Variants in LRP5 observed in about 807,000 individuals in gnomAD.
LRP5 encodes the protein LDL receptor related protein 5.
In LRP5, 62 loss-of-function variants were observed where a neutral mutation model predicts 154.1. The observed-to-expected ratio is 0.40, with a 90% CI of 0.33 to 0.50. LRP5 has a LOEUF of 0.50. LRP5 is among the 20% of genes least tolerant of loss of function. The pLI, the probability that LRP5 is intolerant of heterozygous loss-of-function variation, is 0.55. For synonymous variants in LRP5, 966 were observed against 1,011.5 expected, an observed-to-expected ratio of 0.96 and a Z score of 0.85; for missense variants, 1,915 against 2,336.7, an observed-to-expected ratio of 0.82 and a Z score of 3.72.
At chr11:68,388,290 G>A (rs1478809233) in intron 6 of LRP5, among the ~76,000 whole-genome samples, 2 of 152,060 alleles carry the variant, frequency 1.3e-5, no homozygotes, top group African/African-American at 4.8e-5. Context: ...TCAGGAGCTT[G>A]GTCAAGTCAC....
At chr11:68,396,788 C>T (rs970721920) in intron 7 of LRP5, among the ~76,000 whole-genome samples, 1 of 152,076 alleles carries the variant, frequency 6.6e-6, no homozygotes, top group Admixed American at 6.5e-5. Flanking sequence ...CTGGGAGTGG[C>T]GGTGGTTCCA....
Position 68,413,715 on chromosome 11 carries a change from G to A in LRP5, c.2530G>A (p.Asp844Asn), listed in dbSNP as rs1452501185. The change falls in exon 12 of 23, where the codon GAT (aspartate) becomes AAT (asparagine). Residue 844 changes from aspartate to asparagine, a missense_variant. Transcript: ENST00000294304. This position sits in a 1 kb window ranked among gnomAD's most constrained non-coding sequence, Gnocchi z 5.1. Reference protein sequence around the residue: ...LGQERVVIADDLPHPFGLTQY... With the variant: ...LGQERVVIADNLPHPFGLTQY... ...TCAGGAGCGGGTCGTGATTGCCGACGATCTCCCGCACCCGTTCGGTCTGAC... is the reference window on the plus strand; with the variant it reads ...TCAGGAGCGGGTCGTGATTGCCGACAATCTCCCGCACCCGTTCGGTCTGAC... 3 of 1,613,680 alleles carry A rather than the reference G, an allele frequency of 1.9e-6. No homozygotes were observed. Among genetic ancestry groups the A allele is most frequent in the Admixed American group, 3.3e-5 (2 of 60,002 alleles).
the LRP5 span, among the ~76,000 whole-genome samples, chr11:68,299,960 C>T: frequency 4.0e-5 from 6 of 148,674 alleles, 1 homozygote; most frequent in Admixed American, 6.7e-5. Context: ...TGGAGTGGCG[C>T]GATCTTGGCT....
Position 68,350,942 on chromosome 11 carries a change from CTG to C in LRP5, c.488+2707_488+2708del, listed in dbSNP as rs545722451. Among the ~76,000 whole-genome samples the C allele has an allele frequency of 1.2e-4, 18 of 151,948 alleles. No individual in the cohort carries two copies. The East Asian group carries it at 1.7e-3, about 15-fold the overall frequency. On this transcript the variant is annotated intron_variant, in intron 2 of 22. Transcript: ENST00000294304. ...CGCATATGCGTGCATACGTGTGAGC[CTG>C]TGTGTGTCCGTGTGTGTGCATGCAT...
intron 5 of LRP5, among the ~76,000 whole-genome samples, chr11:68,373,845 G>A (rs757186824): frequency 4.6e-5 from 7 of 152,224 alleles, no homozygotes; most frequent in African/African-American, 1.2e-4. Context: ...TCTGTGGAAC[G>A]TGCCCCTGTT....
intron 7 of LRP5, among the ~76,000 whole-genome samples, chr11:68,398,007 T>C (rs1314050700): frequency 6.6e-6 from 1 of 151,854 alleles, no homozygotes; most frequent in Admixed American, 6.6e-5. Context: ...TGTGTGTGTG[T>C]GTTTGCGTGC....
chr11:68,405,966 C>A (rs77674647), intron 8 of LRP5, among the ~76,000 whole-genome samples: 4 of 152,230 alleles, frequency 2.6e-5, no homozygotes, highest in Non-Finnish European at 4.4e-5. Flanking sequence ...ATCGCAGGCC[C>A]GGAGGCTGGA....
chr11:68,390,533 A>G (rs1034456497), intron 7 of LRP5, among the ~76,000 whole-genome samples: 6 of 152,400 alleles, frequency 3.9e-5, no homozygotes, highest in African/African-American at 1.4e-4. Flanking sequence ...GTTCCTAAGC[A>G]GTTGAAGGCA....
chr11:68,367,019 G>A (rs2098631492), intron 5 of LRP5, among the ~76,000 whole-genome samples: 2 of 152,240 alleles, frequency 1.3e-5, no homozygotes, highest in South Asian at 2.1e-4. Context: ...TGGGGGAGAC[G>A]GCACAAGTGA....
At chr11:68,377,664 C>A (rs1425061492) in intron 5 of LRP5, among the ~76,000 whole-genome samples, 3 of 152,238 alleles carry the variant, frequency 2.0e-5, no homozygotes, top group African/African-American at 7.2e-5. Flanking sequence ...TGTTTATGGC[C>A]TTGGGATCTG....
At chr11:68,387,054 A>G (rs150843691) in intron 6 of LRP5, among the ~76,000 whole-genome samples, 1,844 of 152,030 alleles carry the variant, frequency 0.012, 34 homozygotes, top group African/African-American at 0.042. Flanking sequence ...TTCCAGGATG[A>G]CAGTAGTGAC....
intron 16 of LRP5, among the ~76,000 whole-genome samples, chr11:68,427,310 A>C (rs1158586442): frequency 6.6e-6 from 1 of 152,114 alleles, no homozygotes; most frequent in Admixed American, 6.5e-5. Flanking sequence ...CCTCCCCTCC[A>C]TGGTAACCAT....
At chr11:68,311,925 GGGTTCAGT>G (rs1046919987), upstream of LRP5, among the ~76,000 whole-genome samples, 15 of 152,234 alleles carry the variant, frequency 9.9e-5, no homozygotes, top group Admixed American at 7.2e-4. Flanking sequence ...TCTTCCTGGA[GGGTTCAGT>G]GGCTGAGCTG....
At chr11:68,411,361 G>C (rs1000473643) in intron 10 of LRP5, 75 bp from the exon 11 acceptor site, 1 of 1,505,574 alleles carries the variant, frequency 6.6e-7, no homozygotes, top group Admixed American at 1.7e-5. Flanking sequence ...GGGGACAGTT[G>C]CGTCCCCCCG....
intron 5 of LRP5, among the ~76,000 whole-genome samples, chr11:68,384,883 C>T (rs1389530450): frequency 6.6e-6 from 1 of 152,214 alleles, no homozygotes; most frequent in Non-Finnish European, 1.5e-5. Flanking sequence ...GGTTTGCACG[C>T]CTCTGGGCCT....
At position 68,410,138 on chromosome 11, in the gene LRP5, G is replaced by C. The variant is rs769649663; in HGVS notation, c.2316G>C (p.Lys772Asn). The C allele has an allele frequency of 6.2e-7, 1 of 1,613,422 alleles. No homozygotes were observed. The highest frequency in any genetic ancestry group is 8.5e-7 in the Non-Finnish European group (1 of 1,179,786). The change falls in exon 10 of 23, where the codon AAG becomes AAC. Residue 772 changes from lysine to asparagine, a missense_variant and splice_region_variant. Lys to Asn is a moderately conservative substitution (Grantham distance 94, BLOSUM62 0). Transcript: ENST00000294304. Reference protein sequence around the residue: ...NPRSLALDPTKGYIYWTEWGG... With the variant: ...NPRSLALDPTNGYIYWTEWGG... The stretch of plus-strand genomic sequence containing the variant: ...GGTCGCTGGCCCTGGATCCCACCAA[G>C]GGGTAAGTGTTTGCCTGTCCCGTGC...
At chr11:68,429,261 T>G (rs1341672125) in intron 16 of LRP5, among the ~76,000 whole-genome samples, 1 of 151,712 alleles carries the variant, frequency 6.6e-6, no homozygotes, top group Non-Finnish European at 1.5e-5. Flanking sequence ...TCAAAGTAAG[T>G]AAATAGGAGG....
rs2098589073 is a variant in LRP5, at chr11:68,312,660, C to T, written c.-55C>T. 1 of 843,088 alleles carries T rather than the reference C, an allele frequency of 1.2e-6. No homozygotes were observed. The highest frequency in any genetic ancestry group is 1.4e-6 in the Non-Finnish European group (1 of 699,120). The allele number at this position is 843,088 out of a possible 1,614,324, so 52.2% of individuals were successfully genotyped here. On this transcript the variant is annotated 5_prime_UTR_variant, in exon 1 of 23. Transcript: ENST00000294304. ...GGAGCCGCGCGAGGAGCCGCCGCCG[C>T]CGCGCCATGGAGCCCGAGTGAGCGC... is the stretch of plus-strand genomic sequence containing the variant.
At chr11:68,318,631 G>A (rs556706620) in intron 1 of LRP5, among the ~76,000 whole-genome samples, 1 of 152,308 alleles carries the variant, frequency 6.6e-6, no homozygotes, top group South Asian at 2.1e-4. Flanking sequence ...GAGCCACTGC[G>A]CTGGGCCTTA....
Sources: gnomAD v4.1 joint callset for allele counts (sites outside exome capture counted in the v4.1 genomes callset) on GRCh38, gnomAD v4.1.1 for gene constraint, Gnocchi (gnomAD v3.1) non-coding constraint, MANE v1.5 for transcripts, NCBI Gene and HGNC (gene_info 2026-07-23, HGNC 2026-07-21) for gene names.